The following RBFOX1 variants were observed in gnomAD, a reference collection of about 807,000 sequenced individuals.
RBFOX1 encodes RNA binding protein fox-1 homolog 1.
Under a neutral mutation model 57.7 loss-of-function variants are expected in RBFOX1, and 8 were observed. The ratio of observed to expected loss-of-function variants is 0.14; its 90% CI spans 0.08 to 0.25. The LOEUF (loss-of-function observed/expected upper bound fraction) is 0.25, where lower values mean the gene tolerates loss of function less well. Ranked by LOEUF, RBFOX1 falls within the 10% of genes least tolerant of loss-of-function variation. RBFOX1 has a pLI of 1.00. For synonymous variants in RBFOX1, 326 were observed against 222.4 expected, an observed-to-expected ratio of 1.47 and a Z score of -4.15; for missense variants, 611 against 548.5, an observed-to-expected ratio of 1.11 and a Z score of -1.14.
chr16:6,866,377 A>C lies in RBFOX1; in HGVS notation c.-15-185680A>C, dbSNP rs941188508. Reference sequence around the variant, plus strand: ...ATAATGGAACTCTGTTGATGGGTCTAATAAAGAAGAAAAAAAATCAAACCT... The same window carrying C: ...ATAATGGAACTCTGTTGATGGGTCTCATAAAGAAGAAAAAAAATCAAACCT... On this transcript the variant is annotated intron_variant, in intron 3 of 15. Transcript: ENST00000550418. Among the ~76,000 whole-genome samples, 2 of 151,990 alleles carry C rather than the reference A, an allele frequency of 1.3e-5. 1 individual carries two copies. Among genetic ancestry groups the C allele is most frequent in the Admixed American group, 1.3e-4 (2 of 15,250 alleles).
chr16:7,593,884 C>T (rs1174297877), intron 7 of RBFOX1, among the ~76,000 whole-genome samples: 1 of 152,174 alleles, frequency 6.6e-6, no homozygotes, highest in African/African-American at 2.4e-5. Context: ...TCTACCCTCA[C>T]TTGAATACAT....
chr16:6,215,662 C>T (rs896122034), intron 1 of RBFOX1, among the ~76,000 whole-genome samples: 1 of 152,024 alleles, frequency 6.6e-6, no homozygotes, highest in Non-Finnish European at 1.5e-5. Flanking sequence ...TAGATTTTTG[C>T]AGCACATTTT....
At position 7,688,271 on chromosome 16, in the gene RBFOX1, G is replaced by C. The variant is rs778641557; in HGVS notation, c.995+11433G>C. ...TGTGTGTGTGTGTGTGAGAGAGAGA[G>C]AGAGAGAGAGAGATTCAATATTCAT... is the stretch of plus-strand genomic sequence containing the variant. On this transcript the variant is annotated intron_variant, in intron 14 of 15. Coordinates refer to ENST00000550418, the MANE Select transcript of RBFOX1 (RefSeq NM_018723.4). Among the ~76,000 whole-genome samples, 246 of 150,986 alleles carry C rather than the reference G, an allele frequency of 1.6e-3. 1 individual carries two copies. Among genetic ancestry groups the C allele is most frequent in the South Asian group, 2.9e-3 (14 of 4,754 alleles).
intron 4 of RBFOX1, among the ~76,000 whole-genome samples, chr16:7,334,658 T>A (rs1186908437): frequency 2.6e-5 from 4 of 152,142 alleles, no homozygotes; most frequent in Non-Finnish European, 4.4e-5. Context: ...CCAGAGCTTG[T>A]TGGGAATTAA....
intron 2 of RBFOX1, among the ~76,000 whole-genome samples, chr16:6,375,822 C>G (rs2091102775): frequency 6.6e-6 from 1 of 152,188 alleles, no homozygotes; most frequent in African/African-American, 2.4e-5. Flanking sequence ...CCTATCCCTT[C>G]TCTCTCCTGT....
At chr16:6,795,718 G>A (rs2154252242) in intron 3 of RBFOX1, among the ~76,000 whole-genome samples, 1 of 151,030 alleles carries the variant, frequency 6.6e-6, no homozygotes, top group East Asian at 2.0e-4. Context: ...GTTAGCCAAT[G>A]TTGCACCACT....
intron 5 of RBFOX1, among the ~76,000 whole-genome samples, chr16:7,559,479 A>G (rs544773157): frequency 6.6e-6 from 1 of 152,284 alleles, no homozygotes; most frequent in East Asian, 1.9e-4. Flanking sequence ...CATCTGCCTT[A>G]AAAATATAAA....
chr16:7,474,736 G>T (rs551854817), intron 4 of RBFOX1, among the ~76,000 whole-genome samples: 86 of 152,246 alleles, frequency 5.6e-4, no homozygotes, highest in Non-Finnish European at 1.0e-3. Context: ...TGTAAAATGG[G>T]CATAATCGTA....
intron 4 of RBFOX1, among the ~76,000 whole-genome samples, chr16:7,296,524 G>C (rs1324665178): frequency 2.6e-5 from 4 of 152,114 alleles, no homozygotes; most frequent in Non-Finnish European, 5.9e-5. Flanking sequence ...CCATTTTACA[G>C]ATGAAAAAAA....
intron 14 of RBFOX1, among the ~76,000 whole-genome samples, chr16:7,706,290 G>A (rs1385987668): frequency 4.6e-5 from 7 of 152,138 alleles, no homozygotes; most frequent in African/African-American, 9.7e-5. Flanking sequence ...TAAAACCATT[G>A]GATTCTGAAG....
intron 2 of RBFOX1, among the ~76,000 whole-genome samples, chr16:6,559,629 TAC>T (rs5815322): frequency 0.88 from 134,369 of 151,892 alleles, 61,108 homozygotes; most frequent in East Asian, 1. Flanking sequence ...CATACATGTA[TAC>T]ACACACACAT....
intron 4 of RBFOX1, among the ~76,000 whole-genome samples, chr16:7,302,194 G>T (rs1036727027): frequency 1.3e-5 from 2 of 152,156 alleles, no homozygotes; most frequent in Non-Finnish European, 2.9e-5. Flanking sequence ...GAGGTTGGAG[G>T]CACTGGTTTT....
At chr16:7,213,471 A>C (rs2091512333) in intron 4 of RBFOX1, among the ~76,000 whole-genome samples, 1 of 152,170 alleles carries the variant, frequency 6.6e-6, no homozygotes, top group Non-Finnish European at 1.5e-5. Context: ...AGACTTTAAT[A>C]GATCTGTTCC....
At chr16:7,041,549 A>G (rs988044708) in intron 3 of RBFOX1, among the ~76,000 whole-genome samples, 2 of 152,154 alleles carry the variant, frequency 1.3e-5, no homozygotes, top group Admixed American at 6.5e-5. Flanking sequence ...AGTGATTCCT[A>G]GAATACTAAC....
chr16:7,395,181 A>G (rs2098120850), intron 4 of RBFOX1, among the ~76,000 whole-genome samples: 1 of 147,626 alleles, frequency 6.8e-6, no homozygotes, highest in African/African-American at 2.5e-5. Flanking sequence ...TTTTTCCCTG[A>G]CAGCCAAGAC....
rs138453193 is a variant in RBFOX1, at chr16:7,274,669, A to G, written c.27+222571A>G. 4.7e-5 allele frequency among the ~76,000 whole-genome samples: 7 copies of G among 149,594 alleles called. No homozygotes were observed. In the East Asian group the frequency reaches 1.4e-3, roughly 29 times the overall value. ...TTTATTTATTTATTTGAGATAGAGC[A>G]TTAGGTTTTTTTTACTTTTTATTTT... is the stretch of plus-strand genomic sequence containing the variant. On this transcript the variant is annotated intron_variant, in intron 4 of 15. Transcript: ENST00000550418.
At chr16:6,041,756 C>T (rs56795235) in intron 1 of RBFOX1, among the ~76,000 whole-genome samples, 20,910 of 152,118 alleles carry the variant, frequency 0.14, 1,863 homozygotes, top group African/African-American at 0.25. Context: ...CATCAATGGG[C>T]GATGATGCTA....
At chr16:6,265,514 G>A (rs562982918) in intron 1 of RBFOX1, among the ~76,000 whole-genome samples, 2 of 152,188 alleles carry the variant, frequency 1.3e-5, no homozygotes, top group African/African-American at 2.4e-5. Context: ...CACCCACCTC[G>A]GCCTCCCAGA....
At chr16:7,019,409 GGAGAGAGA>G (rs1278058699) in intron 3 of RBFOX1, among the ~76,000 whole-genome samples, 1 of 151,954 alleles carries the variant, frequency 6.6e-6, no homozygotes, top group Admixed American at 6.6e-5. Context: ...TGTGTGAGTG[GGAGAGAGA>G]GAGTGGGAGA....
Sources: gnomAD v4.1 joint callset for allele counts (sites outside exome capture counted in the v4.1 genomes callset) on GRCh38, gnomAD v4.1.1 for gene constraint, MANE v1.5 for transcripts, NCBI Gene and HGNC (gene_info 2026-07-23, HGNC 2026-07-21) for gene names.